Variants in LDLRAD4 observed in about 807,000 individuals in gnomAD.
LDLRAD4 encodes low density lipoprotein receptor class A domain containing 4.
A neutral mutation model predicts 17.0 loss-of-function variants in LDLRAD4; 5 were observed. That is an observed-to-expected ratio of 0.29 (90% CI 0.15 to 0.62). LDLRAD4 has a LOEUF of 0.62. LDLRAD4 is among the 20% of genes least tolerant of loss of function. The pLI, the probability that LDLRAD4 is intolerant of heterozygous loss-of-function variation, is 0.84. For missense variants in LDLRAD4, 340 were observed against 424.7 expected (o/e 0.80, Z 1.75); for synonymous variants, 168 against 171.8 (o/e 0.98, Z 0.17).
intron 1 of LDLRAD4, among the ~76,000 whole-genome samples, chr18:13,262,679 G>A (rs779979688): frequency 5.4e-5 from 5 of 92,594 alleles, no homozygotes; most frequent in Admixed American, 4.9e-4. Context: ...CCTGTGCGTG[G>A]AAACTGAGTC....
intron 1 of LDLRAD4, among the ~76,000 whole-genome samples, chr18:13,320,104 T>C (rs1026518470): frequency 6.6e-6 from 1 of 152,242 alleles, no homozygotes; most frequent in Non-Finnish European, 1.5e-5. Context: ...ATTTCAACTT[T>C]AGGATGAGAT....
At chr18:13,618,457 A>G (rs2040287394) in intron 3 of LDLRAD4, among the ~76,000 whole-genome samples, 1 of 152,248 alleles carries the variant, frequency 6.6e-6, no homozygotes, top group African/African-American at 2.4e-5. Context: ...TATGTAAAAA[A>G]TGCCCAGAGA....
chr18:13,427,960 G>C (rs537887181), intron 2 of LDLRAD4, among the ~76,000 whole-genome samples: 3 of 152,190 alleles, frequency 2.0e-5, no homozygotes, highest in South Asian at 4.2e-4. Context: ...CTCTCCACAG[G>C]CTTTTACATC....
intron 1 of LDLRAD4, among the ~76,000 whole-genome samples, chr18:13,335,530 G>A (rs574140445): frequency 6.6e-6 from 1 of 152,158 alleles, no homozygotes; most frequent in Admixed American, 6.5e-5. Flanking sequence ...ATTACATTTA[G>A]ATTTGGTTGA....
intron 3 of LDLRAD4, among the ~76,000 whole-genome samples, chr18:13,528,037 G>A (rs906956502): frequency 2.0e-5 from 3 of 152,132 alleles, no homozygotes; most frequent in Admixed American, 6.5e-5. Context: ...AGTGACTGTC[G>A]TCTGCCTTTC....
chr18:13,476,587 G>C (rs1471375830), intron 3 of LDLRAD4, among the ~76,000 whole-genome samples: 1 of 148,954 alleles, frequency 6.7e-6, no homozygotes, highest in African/African-American at 2.5e-5. Flanking sequence ...TTACACCACT[G>C]TACTCCAGCC....
chr18:13,218,507 G>T (rs893499376), upstream of LDLRAD4, among the ~76,000 whole-genome samples: 1 of 152,174 alleles, frequency 6.6e-6, no homozygotes, highest in African/African-American at 2.4e-5. Flanking sequence ...CCTAGGCCTC[G>T]GCGAGCCGTG....
chr18:13,407,791 A>G (rs764917554), intron 2 of LDLRAD4, among the ~76,000 whole-genome samples: 1 of 152,168 alleles, frequency 6.6e-6, no homozygotes, highest in Non-Finnish European at 1.5e-5. Context: ...CATTGCTTTT[A>G]ATGACATATT....
intron 3 of LDLRAD4, chr18:13,612,435 G>A (rs779407849): frequency 1.6e-4 from 208 of 1,272,818 alleles, no homozygotes; most frequent in Admixed American, 4.3e-4. Flanking sequence ...GATGGCAGTT[G>A]ATAATTGGTA....
chr18:13,583,563 G>A (rs182236244), intron 3 of LDLRAD4, among the ~76,000 whole-genome samples: 66 of 152,314 alleles, frequency 4.3e-4, no homozygotes, highest in Non-Finnish European at 3.8e-4. Flanking sequence ...TTTGGCCGCT[G>A]AGATATTTAG....
chr18:13,596,717 T>C (rs751922143), intron 3 of LDLRAD4, among the ~76,000 whole-genome samples: 4 of 152,226 alleles, frequency 2.6e-5, no homozygotes, highest in Non-Finnish European at 5.9e-5. Flanking sequence ...CATCTATTTA[T>C]AGCATGTCTT....
At chr18:13,232,546 G>A (rs1050213643) in intron 1 of LDLRAD4, among the ~76,000 whole-genome samples, 1 of 150,352 alleles carries the variant, frequency 6.7e-6, no homozygotes, top group African/African-American at 2.5e-5. Flanking sequence ...CCTTCCCTGC[G>A]TGGCCTTGTC....
At chr18:13,309,341 G>A (rs1280518659) in intron 1 of LDLRAD4, among the ~76,000 whole-genome samples, 7 of 152,202 alleles carry the variant, frequency 4.6e-5, no homozygotes, top group South Asian at 2.1e-4. Flanking sequence ...TTCATGAGCC[G>A]GATGATGATG....
At chr18:13,465,779 A>G (rs2092595110) in intron 3 of LDLRAD4, among the ~76,000 whole-genome samples, 1 of 152,200 alleles carries the variant, frequency 6.6e-6, no homozygotes, top group Non-Finnish European at 1.5e-5. Flanking sequence ...CTTCCTCTTT[A>G]CTAATAAAGT....
chr18:13,641,767 C>A, intron 4 of LDLRAD4: 1 of 985,472 alleles, frequency 1.0e-6, no homozygotes, highest in Non-Finnish European at 1.2e-6. Flanking sequence ...GGCCGGGCCT[C>A]GGGGGCGCAG....
In LDLRAD4 at chr18:13,385,651, A is replaced by G. The variant is rs1599837159; in HGVS notation, c.-382-1690A>G. On this transcript the variant is annotated intron_variant, in intron 1 of 5. Coordinates refer to ENST00000359446, the Ensembl canonical transcript of LDLRAD4. ...GCATCATCGAAAAGGGCAGAGAAAA[A>G]TCAAAGCTTTAGGGCAGGTGGGCTT... Among the ~76,000 whole-genome samples, 4 of 152,230 alleles carry G rather than the reference A, an allele frequency of 2.6e-5. No individual in the cohort carries two copies. In the South Asian group the frequency reaches 8.3e-4, roughly 32 times the overall value.
intron 4 of LDLRAD4, among the ~76,000 whole-genome samples, chr18:13,630,908 G>A (rs2041603652): frequency 6.6e-6 from 1 of 152,230 alleles, no homozygotes; most frequent in Non-Finnish European, 1.5e-5. Flanking sequence ...CTCTCTAAGA[G>A]GCTGCAAAGC....
At chr18:13,305,249 T>C (rs2146636753) in intron 1 of LDLRAD4, among the ~76,000 whole-genome samples, 1 of 152,350 alleles carries the variant, frequency 6.6e-6, no homozygotes, top group East Asian at 1.9e-4. Context: ...CACTTACATA[T>C]ATACATGGTA....
At chr18:13,510,584 G>C (rs2093761951) in intron 3 of LDLRAD4, among the ~76,000 whole-genome samples, 1 of 152,212 alleles carries the variant, frequency 6.6e-6, no homozygotes, top group Non-Finnish European at 1.5e-5. Context: ...TACACTGCTT[G>C]TGTGATGGGT....
Sources: gnomAD v4.1 joint callset for allele counts (sites outside exome capture counted in the v4.1 genomes callset) on GRCh38, gnomAD v4.1.1 for gene constraint, MANE v1.5 for transcripts, NCBI Gene and HGNC (gene_info 2026-07-23, HGNC 2026-07-21) for gene names.